EPB41L4A: variants seen among roughly 807,000 people sequenced by gnomAD.
The protein encoded by EPB41L4A is erythrocyte membrane protein band 4.1 like 4A, also known as band 4.1-like protein 4A.
Under a neutral mutation model 108.6 loss-of-function variants are expected in EPB41L4A, and 100 were observed. The observed-to-expected ratio is 0.92, with a 90% confidence interval of 0.78 to 1.09. The LOEUF (loss-of-function observed/expected upper bound fraction) is 1.09. Among genes scored for constraint, EPB41L4A ranks in the 50% least tolerant of loss-of-function variants. The probability of loss-of-function intolerance (pLI) is 0.00; values close to 1 mark genes in which losing one functional copy is unlikely to be tolerated. For synonymous variants in EPB41L4A, 319 were observed against 289.0 expected (o/e 1.10, Z -1.05); for missense variants, 1,030 against 842.7 (o/e 1.22, Z -2.75).
chr5:112,366,564 G>A (rs185958257), intron 1 of EPB41L4A, among the ~76,000 whole-genome samples: 4 of 152,058 alleles, frequency 2.6e-5, no homozygotes, highest in East Asian at 3.9e-4. Flanking sequence ...GATAGGAGCC[G>A]TGGCCTCTGC....
intron 2 of EPB41L4A, among the ~76,000 whole-genome samples, chr5:112,285,039 T>C (rs1355980122): frequency 6.6e-6 from 1 of 152,208 alleles, no homozygotes; most frequent in Non-Finnish European, 1.5e-5. Flanking sequence ...TTGTCAACTG[T>C]TCTTTCAGAG....
Position 112,304,493 on chromosome 5 carries a change from C to T in EPB41L4A, c.204+2893G>A, listed in dbSNP as rs116199474. On this transcript the variant is annotated intron_variant, in intron 2 of 22. Transcript: ENST00000261486. ...AAAATAGGCTCTAGCCCAGGCTAAG[C>T]GCTTTCCCTTTCAAAACTAATCTTA... 4.3e-3 allele frequency among the ~76,000 whole-genome samples: 652 copies of T among 152,308 alleles called. 7 individuals carry two copies. The highest frequency in any genetic ancestry group is 0.015 in the African/African-American group (614 of 41,576).
At chr5:112,317,768 C>T (rs559384991) in intron 1 of EPB41L4A, among the ~76,000 whole-genome samples, 11 of 152,250 alleles carry the variant, frequency 7.2e-5, no homozygotes, top group East Asian at 5.8e-4. Context: ...TTGGACAATA[C>T]ATCTTTTTTG....
intron 1 of EPB41L4A, among the ~76,000 whole-genome samples, chr5:112,312,051 G>A (rs1755087901): frequency 6.6e-6 from 1 of 152,160 alleles, no homozygotes; most frequent in Non-Finnish European, 1.5e-5. Context: ...AATCAAATCT[G>A]TCTTTATGCA....
Position 112,231,813 on chromosome 5 carries a change from AAAAG to A in EPB41L4A, c.1087+2817_1087+2820del, listed in dbSNP as rs1334985939. 2.6e-3 allele frequency among the ~76,000 whole-genome samples: 387 copies of A among 148,306 alleles called. 6 individuals carry two copies. Among genetic ancestry groups the A allele is most frequent in the African/African-American group, 8.4e-3 (338 of 40,360 alleles). ...TCTCAAAAAAAAAAAAAAAAAAAAA[AAAAG>A]GATCCACCTGCCAGGCACAGTGGCT... On this transcript the variant is annotated intron_variant, in intron 12 of 22. Transcript: ENST00000261486.
intron 1 of EPB41L4A, among the ~76,000 whole-genome samples, chr5:112,339,535 T>TAG (rs1417708631): frequency 0.07 from 7,957 of 112,976 alleles, 334 homozygotes; most frequent in Middle Eastern, 0.11. Flanking sequence ...TATCTATATA[T>TAG]ATATATATTT....
At chr5:112,385,311 C>T (rs1444621401) in intron 1 of EPB41L4A, among the ~76,000 whole-genome samples, 1 of 151,992 alleles carries the variant, frequency 6.6e-6, no homozygotes, top group Non-Finnish European at 1.5e-5. Flanking sequence ...TGGAAAAAGT[C>T]CAATAAAAGG....
At chr5:112,298,617 G>C (rs1273272652) in intron 2 of EPB41L4A, among the ~76,000 whole-genome samples, 2 of 152,046 alleles carry the variant, frequency 1.3e-5, no homozygotes, top group Non-Finnish European at 2.9e-5. Flanking sequence ...TTGCATCTAT[G>C]TTCATCAGGG....
chr5:112,152,712 T>C (rs1759513457), intron 12 of EPB41L4A, among the ~76,000 whole-genome samples: 1 of 152,046 alleles, frequency 6.6e-6, no homozygotes, highest in Non-Finnish European at 1.5e-5. Context: ...GACATAGCTA[T>C]ACTATAAGGA....
chr5:112,279,756 T>C (rs1418696889), intron 3 of EPB41L4A, among the ~76,000 whole-genome samples: 1 of 152,144 alleles, frequency 6.6e-6, no homozygotes, highest in Non-Finnish European at 1.5e-5. Flanking sequence ...AATATTTGTA[T>C]TGATAAAACC....
rs577007101 is a variant in EPB41L4A, at chr5:112,360,286, T to G, written c.100-52796A>C. Among the ~76,000 whole-genome samples, 39 of 151,844 alleles carry G rather than the reference T, an allele frequency of 2.6e-4. No homozygotes were observed. In the East Asian group the frequency reaches 6.6e-3, roughly 26 times the overall value. ...AATAATAAACTGACCCTCGACCCTC[T>G]CCCCTCTCCCCTTTGCACGGTCTCC... On this transcript the variant is annotated intron_variant, in intron 1 of 22. Transcript: ENST00000261486.
chr5:112,225,811 T>C (rs534654535), intron 12 of EPB41L4A, among the ~76,000 whole-genome samples: 1 of 152,344 alleles, frequency 6.6e-6, no homozygotes, highest in African/African-American at 2.4e-5. Flanking sequence ...TGTAACACAT[T>C]CTTTCTTAGT....
chr5:112,193,796 CT>C (rs1761826001), intron 17 of EPB41L4A, among the ~76,000 whole-genome samples: 1 of 152,214 alleles, frequency 6.6e-6, no homozygotes, highest in Non-Finnish European at 1.5e-5. Flanking sequence ...TGCAATCCCC[CT>C]ATCCAATTGT....
intron 2 of EPB41L4A, among the ~76,000 whole-genome samples, chr5:112,288,016 A>T (rs1753396933): frequency 6.6e-6 from 1 of 152,230 alleles, no homozygotes; most frequent in Non-Finnish European, 1.5e-5. Flanking sequence ...TCCTAGTCCT[A>T]TCAGAAGGCA....
At chr5:112,313,965 G>A (rs778547794) in intron 1 of EPB41L4A, among the ~76,000 whole-genome samples, 11 of 141,370 alleles carry the variant, frequency 7.8e-5, no homozygotes, top group Admixed American at 1.5e-4. Context: ...CCGGGTTCAC[G>A]CCATTCTCCT....
intron 12 of EPB41L4A, among the ~76,000 whole-genome samples, chr5:112,155,968 GA>G (rs1236605579): frequency 2.0e-5 from 3 of 151,838 alleles, no homozygotes; most frequent in Non-Finnish European, 4.4e-5. Context: ...AAAACAGTAT[GA>G]AAAAAATAAC....
At chr5:112,392,394 T>C (rs1400376734) in intron 1 of EPB41L4A, among the ~76,000 whole-genome samples, 2 of 43,010 alleles carry the variant, frequency 4.7e-5, no homozygotes, top group Non-Finnish European at 4.4e-5. Context: ...ACCAAGCAAA[T>C]GGAAAGCAAA....
chr5:112,296,236 T>G (rs1238358196), intron 2 of EPB41L4A, among the ~76,000 whole-genome samples: 1 of 152,138 alleles, frequency 6.6e-6, no homozygotes, highest in Admixed American at 6.6e-5. Flanking sequence ...ATTTTAAAAT[T>G]TTTCTAAATC....
At chr5:112,226,726 G>A (rs983798380) in intron 12 of EPB41L4A, among the ~76,000 whole-genome samples, 1 of 151,706 alleles carries the variant, frequency 6.6e-6, no homozygotes. Context: ...AAAATGGCTT[G>A]AACAAATACT....
Sources: gnomAD v4.1 joint callset for allele counts (sites outside exome capture counted in the v4.1 genomes callset) on GRCh38, gnomAD v4.1.1 for gene constraint, MANE v1.5 for transcripts, NCBI Gene and HGNC (gene_info 2026-07-23, HGNC 2026-07-21) for gene names.